The following SHF variants were observed in gnomAD, a reference collection of about 807,000 sequenced individuals.
The protein encoded by SHF is SH2 domain-containing adapter protein F.
In SHF, 30 loss-of-function variants were observed where a neutral mutation model predicts 42.4. The ratio of observed to expected loss-of-function variants is 0.71; its 90% CI spans 0.53 to 0.96. The LOEUF is 0.96. SHF is among the 40% of genes least tolerant of loss of function. The pLI, the probability that SHF is intolerant of heterozygous loss-of-function variation, is 0.00. For synonymous variants in SHF, 264 were observed against 269.9 expected, an observed-to-expected ratio of 0.98 and a Z score of 0.21; for missense variants, 598 against 634.0, an observed-to-expected ratio of 0.94 and a Z score of 0.61.
intron 1 of SHF, among the ~76,000 whole-genome samples, chr15:45,181,619 C>G (rs938905504): frequency 3.3e-5 from 5 of 152,224 alleles, no homozygotes; most frequent in African/African-American, 1.2e-4. Flanking sequence ...GGACGCTCAA[C>G]AGGCGTCCTC....
intron 3 of SHF, 98 bp from the exon 4 acceptor site, chr15:45,173,814 C>T: frequency 7.3e-7 from 1 of 1,370,932 alleles, no homozygotes; most frequent in Non-Finnish European, 1.0e-6. Context: ...GGACACAGGA[C>T]AGCCTAGAAA....
chr15:45,170,645 CTTTTTTTTTTT>C (rs146136602), intron 6 of SHF: 1 of 210,420 alleles, frequency 4.8e-6, no homozygotes, highest in Non-Finnish European at 9.0e-6. Context: ...TTATCTTTTT[CTTTTTTTTTTT>C]TTTTTTTTTC....
At chr15:45,196,971 AAAAG>A (rs1277770817) in intron 2 of SHF, among the ~76,000 whole-genome samples, 20 of 152,146 alleles carry the variant, frequency 1.3e-4, no homozygotes, top group East Asian at 1.9e-4. Context: ...AAAAGGGAAA[AAAAG>A]AAAGAAAGAA....
Position 45,171,726 on chromosome 15 carries a change from G to C in SHF, c.1280+157C>G, listed in dbSNP as rs1595611200. 7 of 726,014 alleles carry C rather than the reference G, an allele frequency of 9.6e-6. No homozygotes were observed. In the East Asian group the frequency reaches 1.9e-4, roughly 20 times the overall value. The allele number at this position is 726,014 out of a possible 1,614,324, so 45.0% of individuals were successfully genotyped here. ...TCCCAATGGACTCTGAGCTCCTTGA[G>C]AGCAGGGGCTGAGTCTCAGACATCT... On this transcript the variant is annotated intron_variant, in intron 6 of 6. Transcript: ENST00000690270.
chr15:45,196,826 G>A (rs1466280594), intron 2 of SHF, among the ~76,000 whole-genome samples: 1 of 151,152 alleles, frequency 6.6e-6, no homozygotes, highest in East Asian at 2.0e-4. Context: ...GTGAACCTGG[G>A]AGGCGGAGCT....
At chr15:45,198,696 A>C in intron 2 of SHF, 1 of 1,521,886 alleles carries the variant, frequency 6.6e-7, no homozygotes, top group South Asian at 1.3e-5. Context: ...GGGGACCCGT[A>C]GGGGTTGGCT....
intron 1 of SHF, among the ~76,000 whole-genome samples, chr15:45,182,263 A>G (rs975448385): frequency 2.6e-5 from 4 of 152,186 alleles, no homozygotes; most frequent in African/African-American, 9.7e-5. Context: ...AAGGTCCCCA[A>G]AGTCTCCCAC....
Position 45,187,702 on chromosome 15 carries a change from CCGGAGAG to C in SHF, c.243_249del (p.Ser82ProfsTer84). 1 of 1,178,938 alleles carries C rather than the reference CCGGAGAG, an allele frequency of 8.5e-7. No homozygotes were observed. Among genetic ancestry groups the C allele is most frequent in the African/African-American group, 1.6e-5 (1 of 62,982 alleles). The allele number at this position is 1,178,938 out of a possible 1,614,324, so 73.0% of individuals were successfully genotyped here. Reference sequence around the variant, plus strand: ...TCCGGGGGCGGCGCGGGGGGCGCGGCCGGAGAGGGCGCAGGGGGGCGGTAGTCGGGCT... The same window carrying C: ...TCCGGGGGCGGCGCGGGGGGCGCGGCGGCGCAGGGGGGCGGTAGTCGGGCT... On this transcript the variant is annotated frameshift_variant, in exon 1 of 7. Coordinates refer to ENST00000690270, the MANE Select transcript of SHF (RefSeq NM_001394037.1). LOFTEE classifies it high-confidence loss of function.
intron 4 of SHF, among the ~76,000 whole-genome samples, chr15:45,173,107 A>C (rs1204094509): frequency 6.6e-6 from 1 of 152,272 alleles, no homozygotes; most frequent in Non-Finnish European, 1.5e-5. Context: ...TCTGGGCAGA[A>C]CTGAACATAG....
intron 6 of SHF, among the ~76,000 whole-genome samples, chr15:45,169,483 C>A (rs1288261978): frequency 6.6e-6 from 1 of 152,132 alleles, no homozygotes; most frequent in Admixed American, 6.5e-5. Flanking sequence ...ACAGCACAGG[C>A]CCTTGGGGAA....
intron 2 of SHF, among the ~76,000 whole-genome samples, chr15:45,198,158 C>T (rs936971355): frequency 2.6e-5 from 4 of 152,026 alleles, no homozygotes; most frequent in African/African-American, 9.7e-5. Flanking sequence ...CCTGTAGTAC[C>T]AGCTACTCAG....
chr15:45,189,589 C>T (rs1474599394), upstream of SHF, among the ~76,000 whole-genome samples: 2 of 151,888 alleles, frequency 1.3e-5, no homozygotes, highest in Non-Finnish European at 2.9e-5. Flanking sequence ...GGAGTTTCAC[C>T]GTGTTGGCTA....
chr15:45,200,394 C>CT (rs1470248415), intron 1 of SHF: 2 of 213,676 alleles, frequency 9.4e-6, no homozygotes, highest in East Asian at 2.0e-4. Context: ...CTCCCCTTGC[C>CT]GTGCCATTGT....
At chr15:45,198,750 C>T (rs367601466) in intron 2 of SHF, 19 of 1,598,466 alleles carry the variant, frequency 1.2e-5, no homozygotes, top group Admixed American at 1.2e-4. Context: ...CCAGTTTGCG[C>T]GTCATTAAAT....
intron 2 of SHF, among the ~76,000 whole-genome samples, chr15:45,175,718 ACTGAGGCACAACCCTCCCG>A (rs1455916062): frequency 1.3e-5 from 2 of 152,176 alleles, no homozygotes; most frequent in African/African-American, 4.8e-5. Flanking sequence ...AGTTTAGGAA[ACTGAGGCACAACCCTCCCG>A]TTGTCCACTT....
chr15:45,199,210 C>T (rs973126070), intron 1 of SHF: 2 of 986,642 alleles, frequency 2.0e-6, no homozygotes, highest in Admixed American at 3.0e-5. Context: ...TCATACTCCC[C>T]TGACAGCCCT....
At chr15:45,171,739 G>T in intron 6 of SHF, 144 bp downstream of exon 6, 1 of 812,386 alleles carries the variant, frequency 1.2e-6, no homozygotes, top group Non-Finnish European at 1.9e-6. Context: ...CAGGGGCTGA[G>T]TCTCAGACAT....
rs555001746 is a variant in SHF at position 45,201,065 on chromosome 15, G to A, written c.-385C>T. 11 of 343,546 alleles carry A rather than the reference G, an allele frequency of 3.2e-5. No homozygotes were observed. In the East Asian group the frequency reaches 8.2e-4, roughly 26 times the overall value. 21.3% of individuals were successfully genotyped at this position (343,546 alleles called of 1,614,324 possible). Reference sequence around the variant, plus strand: ...GTGCGGGAGGAACCTGGTAGATAATGGACGCTTAGGAAAGCTGGAATGGCC... The same window carrying A: ...GTGCGGGAGGAACCTGGTAGATAATAGACGCTTAGGAAAGCTGGAATGGCC... On this transcript the variant is annotated 5_prime_UTR_variant, in exon 1 of 8. Transcript: ENST00000290894.
At chr15:45,191,969 T>C (rs953182606), upstream of SHF, among the ~76,000 whole-genome samples, 13 of 152,044 alleles carry the variant, frequency 8.6e-5, no homozygotes, top group African/African-American at 3.1e-4. Context: ...TAAACCTATT[T>C]ACCCTTCAGC....
Sources: allele counts gnomAD v4.1 joint callset (sites outside exome capture counted in the v4.1 genomes callset), GRCh38; gene constraint gnomAD v4.1.1; transcripts MANE v1.5; gene names NCBI Gene and HGNC (gene_info 2026-07-23, HGNC 2026-07-21).